The following NXPH1 variants were observed in gnomAD, a reference collection of about 807,000 sequenced individuals.
The protein encoded by NXPH1 is neurexophilin-1.
Under a neutral mutation model 23.7 loss-of-function variants are expected in NXPH1, and 5 were observed. The ratio of observed to expected loss-of-function variants is 0.21; its 90% CI spans 0.11 to 0.44. NXPH1 has a LOEUF of 0.44. NXPH1 is among the 20% of genes least tolerant of loss of function. The pLI, the probability that NXPH1 is intolerant of heterozygous loss-of-function variation, is 0.99. For synonymous variants in NXPH1, 144 were observed against 122.2 expected, an observed-to-expected ratio of 1.18 and a Z score of -1.18; for missense variants, 324 against 321.6, an observed-to-expected ratio of 1.01 and a Z score of -0.06.
At chr7:8,472,297 G>A (rs1332679919) in intron 2 of NXPH1, among the ~76,000 whole-genome samples, 1 of 152,154 alleles carries the variant, frequency 6.6e-6, no homozygotes. Flanking sequence ...TGCAATAAAT[G>A]ATCTCTAAGG....
chr7:8,453,773 T>C (rs573886835), intron 2 of NXPH1, among the ~76,000 whole-genome samples: 10 of 152,290 alleles, frequency 6.6e-5, no homozygotes, highest in Admixed American at 6.5e-4. Context: ...TATGGCTGCA[T>C]AGTATTCCAT....
chr7:8,732,615 G>A (rs113933604), intron 2 of NXPH1, among the ~76,000 whole-genome samples: 1,576 of 152,232 alleles, frequency 0.01, 27 homozygotes, highest in African/African-American at 0.036. Context: ...TTTTAGCAAA[G>A]AAATAGTCTT....
chr7:8,512,486 C>G (rs1817627799), intron 2 of NXPH1, among the ~76,000 whole-genome samples: 1 of 152,044 alleles, frequency 6.6e-6, no homozygotes, highest in Non-Finnish European at 1.5e-5. Flanking sequence ...TCAACTCTAG[C>G]CTTTCCCCTT....
chr7:8,521,369 G>A (rs926393592), intron 2 of NXPH1, among the ~76,000 whole-genome samples: 1 of 152,168 alleles, frequency 6.6e-6, no homozygotes, highest in Non-Finnish European at 1.5e-5. Context: ...CAGTGCTATA[G>A]TTCCCAGCCC....
intron 2 of NXPH1, among the ~76,000 whole-genome samples, chr7:8,557,923 C>G (rs1818386682): frequency 1.3e-5 from 2 of 151,740 alleles, no homozygotes; most frequent in African/African-American, 4.8e-5. Context: ...ATCAGTTCCT[C>G]CCAGTTTATC....
At chr7:8,680,026 C>T (rs1406340184) in intron 2 of NXPH1, among the ~76,000 whole-genome samples, 1 of 152,194 alleles carries the variant, frequency 6.6e-6, no homozygotes, top group African/African-American at 2.4e-5. Flanking sequence ...GTCTCAAAAG[C>T]TAAATCATCT....
chr7:8,451,643 C>T (rs925784793), intron 2 of NXPH1, among the ~76,000 whole-genome samples: 1 of 152,218 alleles, frequency 6.6e-6, no homozygotes, highest in Non-Finnish European at 1.5e-5. Flanking sequence ...GGCCATACAA[C>T]TATGGTGAGA....
Position 8,681,898 on chromosome 7 carries a change from C to T in NXPH1, c.55-69110C>T, listed in dbSNP as rs893303707. Among the ~76,000 whole-genome samples, 9 of 152,290 alleles carry T rather than the reference C, an allele frequency of 5.9e-5. No homozygotes were observed. The Middle Eastern group carries it at 0.01, about 173-fold the overall frequency. On this transcript the variant is annotated intron_variant, in intron 2 of 2. Transcript: ENST00000405863. ...GTCCAGCCCATATGTGCGTCATTTA[C>T]TGCAGTGAAACTGAGCTTTGCCCCT...
Position 8,499,195 on chromosome 7 carries a change from A to G in NXPH1, c.54+63428A>G, listed in dbSNP as rs540196743. Among the ~76,000 whole-genome samples the G allele has an allele frequency of 2.2e-4, 33 of 152,146 alleles. 1 individual carries two copies. The South Asian group carries it at 6.9e-3, about 32-fold the overall frequency. ...AAGCAGGAAAGGATGATCCTTAAGG[A>G]AAGTACTTTAAAGTCTCTTCTATCA... On this transcript the variant is annotated intron_variant, in intron 2 of 2. Transcript: ENST00000405863.
intron 2 of NXPH1, among the ~76,000 whole-genome samples, chr7:8,691,383 A>G (rs565092954): frequency 4.6e-5 from 7 of 152,234 alleles, no homozygotes; most frequent in South Asian, 2.1e-4. Context: ...TCCCGACCTC[A>G]GGTGACCCGC....
At position 8,479,703 on chromosome 7, in the gene NXPH1, A is replaced by G. The variant is rs1817039230; in HGVS notation, c.54+43936A>G. Among the ~76,000 whole-genome samples, 3 of 152,154 alleles carry G rather than the reference A, an allele frequency of 2.0e-5. No individual in the cohort carries two copies. The South Asian group carries it at 6.2e-4, about 32-fold the overall frequency. On this transcript the variant is annotated intron_variant, in intron 2 of 2. Coordinates refer to ENST00000405863, the MANE Select transcript of NXPH1 (RefSeq NM_152745.3). ...AGATGAATCTGGAACATTTTGTTAA[A>G]TCATATAGCTAGGAAGCTATCAGAA...
At chr7:8,739,181 A>G (rs1167977001) in intron 2 of NXPH1, among the ~76,000 whole-genome samples, 1 of 106,078 alleles carries the variant, frequency 9.4e-6, no homozygotes, top group Non-Finnish European at 2.1e-5. Context: ...TAAAAAAAAA[A>G]AAAAAAAAAA....
intron 2 of NXPH1, among the ~76,000 whole-genome samples, chr7:8,515,577 T>C (rs1817674465): frequency 9.7e-6 from 1 of 103,584 alleles, no homozygotes; most frequent in African/African-American, 3.9e-5. Flanking sequence ...GAAATGTATA[T>C]ATTGCACCAA....
Position 8,609,814 on chromosome 7 carries a change from T to C in NXPH1, c.55-141194T>C, listed in dbSNP as rs6958038. Among the ~76,000 whole-genome samples, 766 of 152,284 alleles carry C rather than the reference T, an allele frequency of 5.0e-3. 11 individuals carry two copies. The highest frequency in any genetic ancestry group is 0.017 in the African/African-American group (709 of 41,578). ...CATAACAGAGACTGCAGTTCCCTTATATTTTGCTGTTCTAAGGGAGAATTA... is the reference window on the plus strand; with the variant it reads ...CATAACAGAGACTGCAGTTCCCTTACATTTTGCTGTTCTAAGGGAGAATTA... On this transcript the variant is annotated intron_variant, in intron 2 of 2. Transcript: ENST00000405863.
intron 2 of NXPH1, among the ~76,000 whole-genome samples, chr7:8,566,142 T>C (rs1335097971): frequency 6.6e-6 from 1 of 151,794 alleles, no homozygotes; most frequent in Non-Finnish European, 1.5e-5. Context: ...TTTCTGAGTC[T>C]CTCACAGAGG....
At chr7:8,709,115 T>C (rs1779747649) in intron 2 of NXPH1, among the ~76,000 whole-genome samples, 2 of 152,224 alleles carry the variant, frequency 1.3e-5, no homozygotes, top group Admixed American at 6.5e-5. Flanking sequence ...AGAAAAAAAC[T>C]GTGCTTCTCC....
chr7:8,600,680 C>G (rs112032245), intron 2 of NXPH1, among the ~76,000 whole-genome samples: 1 of 152,124 alleles, frequency 6.6e-6, no homozygotes, highest in Non-Finnish European at 1.5e-5. Flanking sequence ...TTCATTGAAC[C>G]TTCTCTCTTC....
At chr7:8,628,932 T>C (rs1820061740) in intron 2 of NXPH1, among the ~76,000 whole-genome samples, 1 of 151,200 alleles carries the variant, frequency 6.6e-6, no homozygotes, top group African/African-American at 2.4e-5. Flanking sequence ...CTCACTATCA[T>C]TAGGCTAATG....
chr7:8,699,287 C>A (rs1380739330), intron 2 of NXPH1, among the ~76,000 whole-genome samples: 1 of 152,088 alleles, frequency 6.6e-6, no homozygotes, highest in Non-Finnish European at 1.5e-5. Context: ...TGCTTCAGGA[C>A]TATCACAATG....
Sources: gnomAD v4.1 joint callset for allele counts (sites outside exome capture counted in the v4.1 genomes callset) on GRCh38, gnomAD v4.1.1 for gene constraint, MANE v1.5 for transcripts, NCBI Gene and HGNC (gene_info 2026-07-23, HGNC 2026-07-21) for gene names.